The following SPATA6L variants were observed in gnomAD, a reference collection of about 807,000 sequenced individuals.
The protein encoded by SPATA6L is spermatogenesis associated 6 like.
Under a neutral mutation model 49.2 loss-of-function variants are expected in SPATA6L, and 68 were observed. That is an observed-to-expected ratio of 1.38 (90% confidence interval 1.14 to 1.69). SPATA6L has a LOEUF of 1.69. Ranked by LOEUF, SPATA6L falls within the 40% of genes most tolerant of loss-of-function variation. SPATA6L has a pLI of 0.00. For missense variants in SPATA6L, 668 were observed against 464.3 expected (o/e 1.44, Z -4.03); for synonymous variants, 198 against 165.7 (o/e 1.19, Z -1.50).
At chr9:4,656,174 C>A in intron 2 of SPATA6L, 85 bp from the exon 3 acceptor site, 1 of 1,127,102 alleles carries the variant, frequency 8.9e-7, no homozygotes, top group South Asian at 1.3e-5. Context: ...TGCAGTAGCT[C>A]ACACCTGTAA....
At chr9:4,629,769 G>GTGTGTGTGTGTGTGTGTGTGTA (rs1311805859) in intron 4 of SPATA6L, among the ~76,000 whole-genome samples, 5 of 101,936 alleles carry the variant, frequency 4.9e-5, no homozygotes, top group African/African-American at 2.5e-4. Context: ...GTGTGTGTGT[G>GTGTGTGTGTGTGTGTGTGTGTA]TATATATATA....
intron 7 of SPATA6L, among the ~76,000 whole-genome samples, chr9:4,619,531 T>G (rs918274373): frequency 1.3e-5 from 2 of 152,050 alleles, no homozygotes; most frequent in Admixed American, 1.3e-4. Context: ...TCAATAACCC[T>G]TAAGCAGCCT....
chr9:4,635,818 C>G lies in SPATA6L; in HGVS notation c.227-419G>C, dbSNP rs116817321. 3.3e-5 allele frequency among the ~76,000 whole-genome samples: 5 copies of G among 152,114 alleles called. No individual in the cohort carries two copies. The South Asian group carries it at 1.0e-3, about 32-fold the overall frequency. On this transcript the variant is annotated intron_variant, in intron 3 of 11. Coordinates refer to ENST00000682582, the MANE Select transcript of SPATA6L (RefSeq NM_001353486.2). ...CAATGTGTTCTGTGATGCATGGATG[C>G]CAAGGGCCCAGATGACAGCTACAGC...
At chr9:4,657,811 T>C (rs1207864669) in intron 2 of SPATA6L, among the ~76,000 whole-genome samples, 1 of 152,196 alleles carries the variant, frequency 6.6e-6, no homozygotes, top group African/African-American at 2.4e-5. Flanking sequence ...GGCAGTTTCT[T>C]ATTGGTAAAA....
intron 5 of SPATA6L, chr9:4,627,843 G>C: frequency 7.8e-7 from 1 of 1,281,272 alleles, no homozygotes; most frequent in Non-Finnish European, 1.0e-6. Context: ...CAATAGCCAA[G>C]ATTTGGAATC....
Position 4,618,875 on chromosome 9 carries a change from C to T in SPATA6L, c.796G>A (p.Ala266Thr). The T allele has an allele frequency of 1.9e-6, 3 of 1,613,022 alleles. No individual in the cohort carries two copies. Among genetic ancestry groups the T allele is most frequent in the Non-Finnish European group, 1.7e-6 (2 of 1,179,306 alleles). The change falls in exon 8 of 12, where the codon GCT (alanine) becomes ACT (threonine). Residue 266 changes from alanine to threonine, a missense_variant. Coordinates refer to ENST00000682582, the MANE Select transcript of SPATA6L (RefSeq NM_001353486.2). ...RRASSLDSLA[A>T]NVKVIKEPDE... Reference sequence around the variant, plus strand: ...ACTTCTAAAATTACCTTTACGTTAGCTGCAAGGCTGTCAAGAGAAGAAGCT... The same window carrying T: ...ACTTCTAAAATTACCTTTACGTTAGTTGCAAGGCTGTCAAGAGAAGAAGCT...
At chr9:4,615,466 G>T (rs1434478466) in intron 9 of SPATA6L, among the ~76,000 whole-genome samples, 5 of 152,172 alleles carry the variant, frequency 3.3e-5, no homozygotes, top group Non-Finnish European at 1.5e-5. Context: ...TAAACATGAG[G>T]CAATTCTTCC....
chr9:4,617,863 T>G, intron 9 of SPATA6L, 60 bp downstream of exon 9: 1 of 1,440,846 alleles, frequency 6.9e-7, no homozygotes, highest in Non-Finnish European at 9.3e-7. Context: ...ATGACCCAGC[T>G]TTACCCCTGC....
chr9:4,599,881 A>G lies in SPATA6L; in HGVS notation c.*930T>C, dbSNP rs1368105217. On this transcript the variant is annotated 3_prime_UTR_variant, in exon 12 of 12. Coordinates refer to ENST00000682582, the MANE Select transcript of SPATA6L (RefSeq NM_001353486.2). ...TAGAGGAAAATGCTATGCTTACACT[A>G]TGAAGGAGGGAAATAAGTTTCCATT... Among the ~76,000 whole-genome samples, 1 of 152,174 alleles carries G rather than the reference A, an allele frequency of 6.6e-6. No individual in the cohort carries two copies. Among genetic ancestry groups the G allele is most frequent in the Admixed American group, 6.5e-5 (1 of 15,290 alleles).
In SPATA6L at chr9:4,612,011, A is replaced by AT. The variant is rs543488609; in HGVS notation, c.995+5911dup. Among the ~76,000 whole-genome samples, 1,156 of 145,724 alleles carry AT rather than the reference A, an allele frequency of 7.9e-3. 15 individuals are homozygous for AT. The highest frequency in any genetic ancestry group is 0.026 in the African/African-American group (1,033 of 39,998). ...TAGGTACATGTTGCCATGCCTGGCTATTTTTTTTTTTCCTTAAGAGATAGG... is the reference window on the plus strand; with the variant it reads ...TAGGTACATGTTGCCATGCCTGGCTATTTTTTTTTTTTCCTTAAGAGATAGG... On this transcript the variant is annotated intron_variant, in intron 9 of 11. Transcript: ENST00000682582.
intron 6 of SPATA6L, among the ~76,000 whole-genome samples, chr9:4,622,882 G>A (rs553454236): frequency 3.3e-4 from 50 of 152,128 alleles, no homozygotes; most frequent in Admixed American, 5.2e-4. Flanking sequence ...GAGTAGTGCT[G>A]GCCTAAATGG....
intron 9 of SPATA6L, among the ~76,000 whole-genome samples, chr9:4,607,928 C>A (rs1410691868): frequency 1.3e-5 from 2 of 150,710 alleles, no homozygotes; most frequent in African/African-American, 4.9e-5. Context: ...CACATAGGCT[C>A]AAAATAAAAG....
chr9:4,641,333 C>A (rs1392460033), intron 3 of SPATA6L, among the ~76,000 whole-genome samples: 1 of 151,916 alleles, frequency 6.6e-6, no homozygotes, highest in African/African-American at 2.4e-5. Flanking sequence ...CATGAATGCT[C>A]AAGTCCCTGA....
At chr9:4,598,130 G>A (rs1822455971), downstream of SPATA6L, among the ~76,000 whole-genome samples, 1 of 152,104 alleles carries the variant, frequency 6.6e-6, no homozygotes, top group African/African-American at 2.4e-5. Context: ...TGACCACAGA[G>A]AACTGGCCTC....
chr9:4,661,169 C>T (rs1839624628), intron 2 of SPATA6L, among the ~76,000 whole-genome samples: 1 of 152,224 alleles, frequency 6.6e-6, no homozygotes, highest in Non-Finnish European at 1.5e-5. Context: ...ATGCTCTACT[C>T]TGTAGCCTTC....
At chr9:4,629,428 A>G (rs1199731013) in intron 4 of SPATA6L, among the ~76,000 whole-genome samples, 4 of 152,122 alleles carry the variant, frequency 2.6e-5, no homozygotes, top group African/African-American at 4.8e-5. Context: ...TTATAATAGT[A>G]TCTCCTCAAC....
chr9:4,661,436 T>C (rs1351350739), intron 2 of SPATA6L, among the ~76,000 whole-genome samples: 1 of 151,360 alleles, frequency 6.6e-6, no homozygotes, highest in East Asian at 1.9e-4. Flanking sequence ...CTAGGTATGA[T>C]CTGAGGAAAC....
At chr9:4,627,650 C>A (rs1032971611) in intron 5 of SPATA6L, 23 of 1,035,872 alleles carry the variant, frequency 2.2e-5, no homozygotes, top group Middle Eastern at 2.5e-4. Flanking sequence ...AAGGTAAAAG[C>A]AAAACAGAAA....
chr9:4,654,664 G>T (rs1179034407), intron 3 of SPATA6L, among the ~76,000 whole-genome samples: 9 of 152,280 alleles, frequency 5.9e-5, no homozygotes, highest in Middle Eastern at 6.8e-3. Context: ...GCAGGGAGAT[G>T]GTTTTCCCCT....
Sources: allele counts gnomAD v4.1 joint callset (sites outside exome capture counted in the v4.1 genomes callset), GRCh38; gene constraint gnomAD v4.1.1; transcripts MANE v1.5; gene names NCBI Gene and HGNC (gene_info 2026-07-23, HGNC 2026-07-21).